Variants in SIPA1L2 observed in about 807,000 individuals in gnomAD.
SIPA1L2 encodes signal induced proliferation associated 1 like 2, also known as signal-induced proliferation-associated 1-like protein 2.
A neutral mutation model predicts 163.9 loss-of-function variants in SIPA1L2; 56 were observed. The observed-to-expected ratio is 0.34, with a 90% CI of 0.28 to 0.43. The LOEUF is 0.43. Among genes scored for constraint, SIPA1L2 ranks in the 20% least tolerant of loss-of-function variants. The pLI is 1.00. For missense variants in SIPA1L2, 1,974 were observed against 2,193.5 expected (o/e 0.90, Z 2.00); for synonymous variants, 877 against 865.7 (o/e 1.01, Z -0.23).
chr1:232,423,841 G>A (rs1474931913), intron 18 of SIPA1L2, among the ~76,000 whole-genome samples: 1 of 152,198 alleles, frequency 6.6e-6, no homozygotes, highest in Non-Finnish European at 1.5e-5. Context: ...AAGACATGGA[G>A]GAAGTTGAAT....
chr1:232,498,331 T>A (rs896149861), intron 3 of SIPA1L2, among the ~76,000 whole-genome samples: 17 of 152,206 alleles, frequency 1.1e-4, no homozygotes, highest in Non-Finnish European at 2.4e-4. Context: ...GCAGCAGGCA[T>A]TTCTCTCAGT....
At chr1:232,620,581 A>G (rs751277204) in intron 1 of SIPA1L2, among the ~76,000 whole-genome samples, 9 of 152,234 alleles carry the variant, frequency 5.9e-5, no homozygotes, top group Non-Finnish European at 1.2e-4. Flanking sequence ...TAAGAGGATG[A>G]ATTTAGAAAG....
At chr1:232,598,656 T>C (rs1558295425) in intron 1 of SIPA1L2, among the ~76,000 whole-genome samples, 1 of 152,128 alleles carries the variant, frequency 6.6e-6, no homozygotes, top group Admixed American at 6.5e-5. Context: ...AGCCCACTTC[T>C]CTGATTCACA....
intron 2 of SIPA1L2, among the ~76,000 whole-genome samples, chr1:232,572,776 T>A (rs1165476769): frequency 9.9e-5 from 6 of 60,398 alleles, no homozygotes; most frequent in Non-Finnish European, 2.1e-4. Context: ...TATATATATA[T>A]ATATTTATTT....
chr1:232,595,056 T>C (rs1294323963), intron 1 of SIPA1L2, among the ~76,000 whole-genome samples: 2 of 152,144 alleles, frequency 1.3e-5, no homozygotes, highest in African/African-American at 4.8e-5. Context: ...AGGTGCCCAT[T>C]CGGAGGAACA....
intron 2 of SIPA1L2, among the ~76,000 whole-genome samples, chr1:232,551,908 C>T (rs962297275): frequency 1.3e-5 from 2 of 152,206 alleles, no homozygotes; most frequent in Admixed American, 6.5e-5. Flanking sequence ...GGTGCGATCT[C>T]GGCTCACTGC....
chr1:232,586,372 G>T (rs569140387), intron 1 of SIPA1L2, among the ~76,000 whole-genome samples: 1 of 152,174 alleles, frequency 6.6e-6, no homozygotes, highest in South Asian at 2.1e-4. Context: ...ATTTTATCTA[G>T]ACAAGTTCAT....
Position 232,465,137 on chromosome 1 carries a change from T to C in SIPA1L2, c.2523A>G (p.Val841=). 6.2e-7 allele frequency: 1 copy of C among 1,614,210 alleles called. No individual in the cohort carries two copies. Among genetic ancestry groups the C allele is most frequent in the Non-Finnish European group, 8.5e-7 (1 of 1,180,040 alleles). The part of the protein sequence containing the change: ...ITLGAKKKEK[V]KPRKDAHLFS... The stretch of plus-strand genomic sequence containing the variant: ...ACAAGTGGGCATCCTTCCTTGGCTT[T>C]ACCTTCTCCTTTTTCTTCGCACCCA... Residue 841 remains valine (V), a synonymous_variant, in exon 9 of 23, where the codon GTA becomes GTG. Transcript: ENST00000674635. This position sits in a 1 kb window ranked among gnomAD's most constrained non-coding sequence, Gnocchi z 4.1.
intron 19 of SIPA1L2, among the ~76,000 whole-genome samples, chr1:232,413,718 C>A (rs1661086680): frequency 6.6e-6 from 1 of 152,144 alleles, no homozygotes; most frequent in South Asian, 2.1e-4. Context: ...AAAGAGGCAG[C>A]CTTCTCTTAA....
chr1:232,477,371 T>C (rs1291260842), intron 7 of SIPA1L2, among the ~76,000 whole-genome samples: 1 of 152,214 alleles, frequency 6.6e-6, no homozygotes, highest in Admixed American at 6.5e-5. Context: ...CTATTTTAAG[T>C]GCTTTACATG....
At chr1:232,413,355 T>C (rs1377741690) in intron 19 of SIPA1L2, among the ~76,000 whole-genome samples, 1 of 152,214 alleles carries the variant, frequency 6.6e-6, no homozygotes, top group Non-Finnish European at 1.5e-5. Context: ...CCGAAATCCC[T>C]AAATTGATCA....
chr1:232,445,913 T>G, intron 10 of SIPA1L2, 127 bp from the exon 11 acceptor site: 1 of 940,678 alleles, frequency 1.1e-6, no homozygotes, highest in Non-Finnish European at 1.6e-6. Context: ...AAGTCAATGA[T>G]GCAGAGCGAT....
intron 18 of SIPA1L2, among the ~76,000 whole-genome samples, chr1:232,416,303 G>A (rs1661259655): frequency 6.6e-6 from 1 of 152,206 alleles, no homozygotes; most frequent in Non-Finnish European, 1.5e-5. Flanking sequence ...GCCCAAAAGG[G>A]ATCTAGCTGG....
intron 1 of SIPA1L2, among the ~76,000 whole-genome samples, chr1:232,618,379 G>C (rs114779295): frequency 0.016 from 2,364 of 152,222 alleles, 36 homozygotes; most frequent in African/African-American, 0.038. Flanking sequence ...CTTGTGGCTG[G>C]GCGCGGTGGC....
intron 2 of SIPA1L2, among the ~76,000 whole-genome samples, chr1:232,520,654 G>A (rs1296888075): frequency 6.6e-6 from 1 of 152,034 alleles, no homozygotes; most frequent in Non-Finnish European, 1.5e-5. Context: ...TTATATAGCA[G>A]ATTTATAATA....
intron 2 of SIPA1L2, among the ~76,000 whole-genome samples, chr1:232,548,394 G>C (rs1287536148): frequency 1.3e-5 from 2 of 152,058 alleles, no homozygotes; most frequent in Non-Finnish European, 2.9e-5. Context: ...TCCAACCTCT[G>C]TACATACTTG....
At chr1:232,603,235 G>A (rs1661699348) in intron 1 of SIPA1L2, among the ~76,000 whole-genome samples, 1 of 152,180 alleles carries the variant, frequency 6.6e-6, no homozygotes. Flanking sequence ...TTTATTTACT[G>A]TGAAATGTAT....
At chr1:232,476,693 A>G (rs1294639606) in intron 7 of SIPA1L2, among the ~76,000 whole-genome samples, 5 of 152,188 alleles carry the variant, frequency 3.3e-5, no homozygotes, top group Non-Finnish European at 7.3e-5. Flanking sequence ...TGGTCTGGTG[A>G]GTTTTTCTAC....
chr1:232,515,700 T>G (rs1486173818), intron 2 of SIPA1L2, 92 bp from the exon 3 acceptor site: 1 of 203,804 alleles, frequency 4.9e-6, no homozygotes, highest in Non-Finnish European at 1.0e-5. Context: ...CTTTCCCCTC[T>G]GCTTCTGCCC....
Sources: gnomAD v4.1 joint callset for allele counts (sites outside exome capture counted in the v4.1 genomes callset) on GRCh38, gnomAD v4.1.1 for gene constraint, Gnocchi (gnomAD v3.1) non-coding constraint, MANE v1.5 for transcripts, NCBI Gene and HGNC (gene_info 2026-07-23, HGNC 2026-07-21) for gene names.